The following XKR9 variants were observed in gnomAD, a reference collection of about 807,000 sequenced individuals.
The protein encoded by XKR9 is XK-related protein 9.
In XKR9, 32 loss-of-function variants were observed where a neutral mutation model predicts 32.0. The ratio of observed to expected loss-of-function variants is 1.00; its 90% CI spans 0.76 to 1.34. The LOEUF (loss-of-function observed/expected upper bound fraction) is 1.34, where lower values mean the gene tolerates loss of function less well. Among genes scored for constraint, XKR9 ranks in the 40% most tolerant of loss-of-function variants. The pLI is 0.00. For synonymous variants in XKR9, 168 were observed against 143.4 expected (o/e 1.17, Z -1.22); for missense variants, 546 against 429.7 (o/e 1.27, Z -2.39).
chr8:70,721,299 C>G (rs143831639), intron 4 of XKR9, among the ~76,000 whole-genome samples: 1,799 of 152,116 alleles, frequency 0.012, 34 homozygotes, highest in African/African-American at 0.039. Context: ...TTCTCTATCT[C>G]CTTCAGTTCT....
At chr8:70,682,253 T>C (rs1423124395) in intron 3 of XKR9, among the ~76,000 whole-genome samples, 1 of 152,128 alleles carries the variant, frequency 6.6e-6, no homozygotes, top group Admixed American at 6.5e-5. Flanking sequence ...GATGAACAAA[T>C]ACATATGTAA....
chr8:71,021,569 C>T, the XKR9 span, among the ~76,000 whole-genome samples: 4 of 140,382 alleles, frequency 2.8e-5, no homozygotes, highest in Non-Finnish European at 4.5e-5. Context: ...GTGGCGCGAT[C>T]TCGACTCACT....
the XKR9 span, among the ~76,000 whole-genome samples, chr8:70,842,547 TACACACACAC>T: frequency 9.7e-4 from 145 of 149,132 alleles, 1 homozygote; most frequent in East Asian, 1.6e-3. Flanking sequence ...CATCATTATT[TACACACACAC>T]ACACACACAC....
intron 2 of XKR9, among the ~76,000 whole-genome samples, chr8:70,678,998 G>C (rs1192783301): frequency 1.3e-5 from 2 of 152,140 alleles, no homozygotes; most frequent in African/African-American, 4.8e-5. Flanking sequence ...TTTATTTTTT[G>C]ACAGTTCTGG....
At chr8:70,749,806 G>T (rs1227540458) in intron 2 of XKR9, among the ~76,000 whole-genome samples, 1 of 152,206 alleles carries the variant, frequency 6.6e-6, no homozygotes, top group Non-Finnish European at 1.5e-5. Context: ...CCACCCTAGG[G>T]TATCACTGTG....
At chr8:70,793,981 G>A (rs944426828), downstream of XKR9, among the ~76,000 whole-genome samples, 6 of 151,762 alleles carry the variant, frequency 4.0e-5, no homozygotes, top group African/African-American at 1.5e-4. Context: ...CATGAACACA[G>A]GATATCTATC....
chr8:70,700,646 T>C (rs1805489639), intron 3 of XKR9, among the ~76,000 whole-genome samples: 1 of 152,156 alleles, frequency 6.6e-6, no homozygotes, highest in Non-Finnish European at 1.5e-5. Context: ...AGGGACCCAC[T>C]TGAGGAGGCA....
the XKR9 span, among the ~76,000 whole-genome samples, chr8:71,009,146 A>G: frequency 1.1e-4 from 16 of 152,216 alleles, no homozygotes; most frequent in East Asian, 2.9e-3. Flanking sequence ...GGTGGGAAGA[A>G]CAAGAAAAAT....
downstream of XKR9, among the ~76,000 whole-genome samples, chr8:70,739,103 A>C (rs1409064549): frequency 1.3e-5 from 2 of 151,976 alleles, no homozygotes; most frequent in African/African-American, 4.8e-5. Context: ...GTGGGAATCT[A>C]AGTCTGTTTG....
chr8:70,723,120 T>G (rs1324916152), intron 4 of XKR9, among the ~76,000 whole-genome samples: 1 of 152,096 alleles, frequency 6.6e-6, no homozygotes, highest in Non-Finnish European at 1.5e-5. Context: ...CTGCATGAAG[T>G]TCTTGTGCTG....
intron 3 of XKR9, among the ~76,000 whole-genome samples, chr8:70,694,447 G>A (rs902767576): frequency 1.3e-5 from 2 of 152,080 alleles, no homozygotes; most frequent in Admixed American, 6.5e-5. Context: ...AGCTTTGTTG[G>A]GGGTGGCTGG....
At chr8:70,759,722 T>A (rs1481873658) in intron 2 of XKR9, among the ~76,000 whole-genome samples, 1 of 152,230 alleles carries the variant, frequency 6.6e-6, no homozygotes, top group African/African-American at 2.4e-5. Flanking sequence ...CTGGTGGCAT[T>A]GGTGAGCTCA....
chr8:71,017,946 A>C, the XKR9 span, among the ~76,000 whole-genome samples: 1 of 152,238 alleles, frequency 6.6e-6, no homozygotes, highest in African/African-American at 2.4e-5. Flanking sequence ...TATGTGAACT[A>C]AATAGGCTTT....
At chr8:70,893,455 G>C in the XKR9 span, among the ~76,000 whole-genome samples, 1 of 152,078 alleles carries the variant, frequency 6.6e-6, no homozygotes, top group Non-Finnish European at 1.5e-5. Context: ...GCATCTGGTG[G>C]AACAATCATC....
the XKR9 span, among the ~76,000 whole-genome samples, chr8:70,968,350 T>G: frequency 2.0e-5 from 3 of 152,190 alleles, no homozygotes; most frequent in African/African-American, 4.8e-5. Context: ...TATTTTATTG[T>G]GATTCTTAGC....
the XKR9 span, among the ~76,000 whole-genome samples, chr8:70,823,822 A>G: frequency 6.6e-4 from 101 of 152,246 alleles, no homozygotes; most frequent in South Asian, 1.0e-3. Context: ...TATGTCCTTG[A>G]TCAAGTGGAC....
At chr8:70,952,478 T>C in the XKR9 span, among the ~76,000 whole-genome samples, 1 of 152,224 alleles carries the variant, frequency 6.6e-6, no homozygotes, top group African/African-American at 2.4e-5. Flanking sequence ...CCCTACCACA[T>C]CCCTAATATG....
chr8:70,685,109 C>T (rs935173235), intron 3 of XKR9, among the ~76,000 whole-genome samples: 1 of 151,538 alleles, frequency 6.6e-6, no homozygotes, highest in Non-Finnish European at 1.5e-5. Context: ...TGTCCAACAA[C>T]AATAGACTGG....
chr8:71,006,337 T>G, the XKR9 span, among the ~76,000 whole-genome samples: 3 of 151,096 alleles, frequency 2.0e-5, no homozygotes, highest in East Asian at 3.9e-4. Flanking sequence ...AAAAAAGATT[T>G]TTTTTTTTAG....
Sources: allele counts gnomAD v4.1 joint callset (sites outside exome capture counted in the v4.1 genomes callset), GRCh38; gene constraint gnomAD v4.1.1; transcripts MANE v1.5; gene names NCBI Gene and HGNC (gene_info 2026-07-23, HGNC 2026-07-21).